The following FARS2 variants were observed in gnomAD, a reference collection of about 807,000 sequenced individuals.
FARS2 encodes phenylalanyl-tRNA synthetase 2, mitochondrial, also known as phenylalanine--tRNA ligase, mitochondrial.
A neutral mutation model predicts 46.4 loss-of-function variants in FARS2; 40 were observed. The ratio of observed to expected loss-of-function variants is 0.86; its 90% confidence interval spans 0.67 to 1.12. The LOEUF is 1.12. Ranked by LOEUF, FARS2 falls within the 50% of genes most tolerant of loss-of-function variation. The pLI, the probability that FARS2 is intolerant of heterozygous loss-of-function variation, is 0.00. For missense variants in FARS2, 513 were observed against 567.9 expected (o/e 0.90, Z 0.98); for synonymous variants, 234 against 214.9 (o/e 1.09, Z -0.78).
chr6:5,496,625 C>T (rs987598043), intron 4 of FARS2, among the ~76,000 whole-genome samples: 19 of 152,244 alleles, frequency 1.2e-4, no homozygotes, highest in African/African-American at 4.6e-4. Context: ...GTTACTTTCT[C>T]CCTGTGTCCT....
chr6:5,603,023 G>A (rs1774628722), intron 5 of FARS2, among the ~76,000 whole-genome samples: 1 of 152,172 alleles, frequency 6.6e-6, no homozygotes, highest in Non-Finnish European at 1.5e-5. Flanking sequence ...CATGTGTCAA[G>A]CCCACGGCAC....
At chr6:5,435,332 C>T (rs1763458265) in intron 4 of FARS2, among the ~76,000 whole-genome samples, 1 of 152,182 alleles carries the variant, frequency 6.6e-6, no homozygotes, top group South Asian at 2.1e-4. Flanking sequence ...TGTTCTCTCC[C>T]TGTGATAGAG....
At chr6:5,379,102 T>G (rs1759584308) in intron 2 of FARS2, among the ~76,000 whole-genome samples, 1 of 152,190 alleles carries the variant, frequency 6.6e-6, no homozygotes, top group African/African-American at 2.4e-5. Context: ...CCTTGAAATG[T>G]TAGTTTGTGT....
rs1483776697 is a variant in FARS2 at position 5,438,239 on chromosome 6, ACCCCCCGCC to A, written c.904+7074_904+7082del. Among the ~76,000 whole-genome samples the A allele has an allele frequency of 1.5e-3, 80 of 52,684 alleles. 4 individuals carry two copies. The highest frequency in any genetic ancestry group is 4.1e-3 in the South Asian group (4 of 976). 34.6% of individuals were successfully genotyped at this position (52,684 alleles called of 152,430 possible). On this transcript the variant is annotated intron_variant, in intron 4 of 6. Transcript: ENST00000274680. ...TTAGTTACTTTCAAGGCTTCTACCCACCCCCCGCCCCCCCCCCCATTTTTGTTTTTCAGC... is the reference window on the plus strand; with the variant it reads ...TTAGTTACTTTCAAGGCTTCTACCCACCCCCCCCCATTTTTGTTTTTCAGC...
At chr6:5,449,777 T>C (rs1040495078) in intron 4 of FARS2, among the ~76,000 whole-genome samples, 1 of 152,238 alleles carries the variant, frequency 6.6e-6, no homozygotes, top group Non-Finnish European at 1.5e-5. Context: ...AATGTTCCAA[T>C]GAGCATTTCC....
At chr6:5,635,614 G>T (rs1170205042) in intron 6 of FARS2, among the ~76,000 whole-genome samples, 1 of 152,164 alleles carries the variant, frequency 6.6e-6, no homozygotes, top group Non-Finnish European at 1.5e-5. Context: ...GTGAGGTAGA[G>T]GAAATGAGAA....
chr6:5,534,493 T>C (rs1274791602), intron 4 of FARS2, among the ~76,000 whole-genome samples: 1 of 152,226 alleles, frequency 6.6e-6, no homozygotes, highest in African/African-American at 2.4e-5. Context: ...GTTCAAGATA[T>C]TTCACGTAAG....
intron 6 of FARS2, among the ~76,000 whole-genome samples, chr6:5,646,009 T>G (rs1777057057): frequency 6.6e-6 from 1 of 152,192 alleles, no homozygotes; most frequent in Non-Finnish European, 1.5e-5. Context: ...ATCCTGTTTT[T>G]AGGACTGAAG....
intron 1 of FARS2, among the ~76,000 whole-genome samples, chr6:5,267,159 TA>T (rs34285103): frequency 0.024 from 3,478 of 147,216 alleles, 111 homozygotes; most frequent in African/African-American, 0.078. Context: ...TTTTTTTTCT[TA>T]AAAAAAAAAA....
intron 6 of FARS2, among the ~76,000 whole-genome samples, chr6:5,618,425 G>A (rs1432099892): frequency 3.3e-5 from 5 of 152,158 alleles, no homozygotes; most frequent in African/African-American, 7.2e-5. Flanking sequence ...GCAAAAGAGC[G>A]CCGACCCTTT....
intron 5 of FARS2, among the ~76,000 whole-genome samples, chr6:5,598,775 G>A (rs757832316): frequency 1.3e-5 from 2 of 152,164 alleles, no homozygotes; most frequent in Non-Finnish European, 2.9e-5. Flanking sequence ...TGGGGGTAGG[G>A]GTAGGGTGAG....
chr6:5,408,049 A>G (rs1174821032), intron 3 of FARS2, among the ~76,000 whole-genome samples: 1 of 140,928 alleles, frequency 7.1e-6, no homozygotes, highest in South Asian at 2.4e-4. Flanking sequence ...GTCATCCTAC[A>G]TATTTCTATA....
At chr6:5,690,949 G>C (rs1362317496) in intron 6 of FARS2, among the ~76,000 whole-genome samples, 1 of 151,948 alleles carries the variant, frequency 6.6e-6, no homozygotes, top group African/African-American at 2.4e-5. Context: ...TCGTTCATTT[G>C]ATCTTCCATC....
At chr6:5,545,077 T>G in intron 4 of FARS2, 103 bp from the exon 5 acceptor site, 1 of 1,119,260 alleles carries the variant, frequency 8.9e-7, no homozygotes, top group Non-Finnish European at 1.3e-6. Context: ...CTTTGCCCGC[T>G]GGTAGGCATC....
At chr6:5,628,234 G>C (rs966332853) in intron 6 of FARS2, among the ~76,000 whole-genome samples, 1 of 152,180 alleles carries the variant, frequency 6.6e-6, no homozygotes, top group Non-Finnish European at 1.5e-5. Flanking sequence ...AAGTTTGCTT[G>C]TTTGTTTGCC....
At chr6:5,454,095 A>C (rs1764673031) in intron 4 of FARS2, among the ~76,000 whole-genome samples, 1 of 152,104 alleles carries the variant, frequency 6.6e-6, no homozygotes, top group Non-Finnish European at 1.5e-5. Context: ...GAATTTTAGT[A>C]CAATCTTTAG....
intron 1 of FARS2, among the ~76,000 whole-genome samples, chr6:5,285,567 A>AACT (rs1767049449): frequency 6.6e-6 from 1 of 152,202 alleles, no homozygotes; most frequent in Non-Finnish European, 1.5e-5. Flanking sequence ...GGGTGCTCGC[A>AACT]GTTATTCCTT....
chr6:5,717,767 G>T (rs1197700877), intron 6 of FARS2, among the ~76,000 whole-genome samples: 3 of 151,966 alleles, frequency 2.0e-5, no homozygotes, highest in Non-Finnish European at 2.9e-5. Flanking sequence ...CCATTGATGA[G>T]CACTGCCTAA....
chr6:5,520,854 ATGTATG>A (rs1480075091), intron 4 of FARS2, among the ~76,000 whole-genome samples: 2 of 152,230 alleles, frequency 1.3e-5, no homozygotes, highest in Non-Finnish European at 2.9e-5. Context: ...GAATATTGAC[ATGTATG>A]TGTGTTAGTG....
Sources: allele counts gnomAD v4.1 joint callset (sites outside exome capture counted in the v4.1 genomes callset), GRCh38; gene constraint gnomAD v4.1.1; transcripts MANE v1.5; gene names NCBI Gene and HGNC (gene_info 2026-07-23, HGNC 2026-07-21).